The following CC2D2A variants were observed in gnomAD, a reference collection of about 807,000 sequenced individuals.
The protein encoded by CC2D2A is coiled-coil and C2 domain-containing protein 2A.
CC2D2A carries 155 observed loss-of-function variants against 212.9 expected under a neutral mutation model. The observed-to-expected ratio is 0.73, with a 90% CI of 0.64 to 0.83. The LOEUF is 0.83. CC2D2A is among the 40% of genes least tolerant of loss of function. The pLI, the probability that CC2D2A is intolerant of heterozygous loss-of-function variation, is 0.00. For synonymous variants in CC2D2A, 667 were observed against 686.5 expected (o/e 0.97, Z 0.44); for missense variants, 1,856 against 1,956.2 (o/e 0.95, Z 0.97).
At chr4:15,537,815 C>T in intron 15 of CC2D2A, 84 bp from the exon 16 acceptor site, 2 of 1,401,152 alleles carry the variant, frequency 1.4e-6, no homozygotes, top group East Asian at 2.5e-5. Context: ...GGTTTGTATC[C>T]AGGTCCATCT....
chr4:15,506,637 T>A (rs1716269832), intron 6 of CC2D2A, among the ~76,000 whole-genome samples: 1 of 152,182 alleles, frequency 6.6e-6, no homozygotes, highest in South Asian at 2.1e-4. Context: ...CTACAGGAAG[T>A]GCAGCAGACA....
rs1321298550 is a variant in CC2D2A at position 15,580,154 on chromosome 4, A to G, written c.3958A>G (p.Asn1320Asp). Reference sequence around the variant, plus strand: ...GGAGCTCCTTAATGTCTACCCCAATAATCTACAGGCAACTGCAGTAAGTAT... The same window carrying G: ...GGAGCTCCTTAATGTCTACCCCAATGATCTACAGGCAACTGCAGTAAGTAT... ...PQELLNVYPN[N>D]LQATAELVAR... Residue 1320 changes from asparagine to aspartate, a missense_variant, in exon 30 of 37, where the codon AAT becomes GAT. Physicochemically the swap from Asn to Asp is conservative, Grantham distance 23. Coordinates refer to ENST00000424120, the MANE Select transcript of CC2D2A (RefSeq NM_001378615.1). The G allele has an allele frequency of 1.2e-6, 2 of 1,613,414 alleles. No individual in the cohort carries two copies. Among genetic ancestry groups the G allele is most frequent in the Non-Finnish European group, 1.7e-6 (2 of 1,179,524 alleles).
chr4:15,479,081 T>C, intron 3 of CC2D2A: 1 of 721,952 alleles, frequency 1.4e-6, no homozygotes. Context: ...GAGAGGACTC[T>C]AGAAAAGATG....
intron 2 of CC2D2A, 26 bp from the exon 3 acceptor site, chr4:15,478,697 T>G: frequency 6.6e-7 from 1 of 1,521,244 alleles, no homozygotes; most frequent in Non-Finnish European, 8.9e-7. Context: ...GTCTTAAGAT[T>G]CTCTCCCTTT....
At chr4:15,539,345 G>T (rs975310738) in intron 16 of CC2D2A, among the ~76,000 whole-genome samples, 3 of 152,030 alleles carry the variant, frequency 2.0e-5, no homozygotes, top group African/African-American at 7.2e-5. Flanking sequence ...AAAATCCCAG[G>T]CTTAGTTCTC....
In CC2D2A at chr4:15,587,826, A is replaced by G. The variant is rs1720920205; in HGVS notation, c.4076A>G (p.Asp1359Gly). Residue 1359 changes from aspartate (D) to glycine (G), a missense_variant, in exon 32 of 37, where the codon GAT becomes GGT. By Grantham distance (94) the Asp-to-Gly change is moderately conservative (BLOSUM62 -1). Transcript: ENST00000424120. ...DLWSTSDQFL[D>G]LLAGDEEEHA... ...TTTTCTTTTTGTCAGCAATTTCTTG[A>G]TCTCCTGGCAGGGGATGAAGAAGAA... 6.2e-7 allele frequency: 1 copy of G among 1,605,954 alleles called. No individual in the cohort carries two copies. Among genetic ancestry groups the G allele is most frequent in the South Asian group, 1.1e-5 (1 of 90,866 alleles).
chr4:15,507,749 A>G (rs770664368), intron 6 of CC2D2A, among the ~76,000 whole-genome samples: 25 of 152,204 alleles, frequency 1.6e-4, no homozygotes, highest in Non-Finnish European at 2.6e-4. Context: ...GGGGAATTCA[A>G]TGGGCTTGGA....
chr4:15,471,178 G>A (rs762176787), intron 1 of CC2D2A, among the ~76,000 whole-genome samples: 2 of 152,156 alleles, frequency 1.3e-5, no homozygotes, highest in Non-Finnish European at 2.9e-5. Context: ...AACAATGTAT[G>A]TGGCACCTCC....
At chr4:15,479,137 G>A (rs988289945) in intron 3 of CC2D2A, 20 of 924,752 alleles carry the variant, frequency 2.2e-5, no homozygotes, top group Admixed American at 6.0e-5. Flanking sequence ...GGACTATGAT[G>A]GGCAGTAGAT....
At chr4:15,596,047 T>C (rs1050019268) in intron 33 of CC2D2A, 38 bp from the exon 34 acceptor site, 31 of 1,493,426 alleles carry the variant, frequency 2.1e-5, no homozygotes, top group Non-Finnish European at 2.5e-5. Flanking sequence ...CATGTATACA[T>C]GCTAACATAT....
chr4:15,546,255 G>A (rs544132191), intron 17 of CC2D2A, among the ~76,000 whole-genome samples: 19 of 152,300 alleles, frequency 1.2e-4, no homozygotes, highest in African/African-American at 4.6e-4. Flanking sequence ...TTTTAAAAAT[G>A]AAATTTGGCT....
intron 12 of CC2D2A, 80 bp downstream of exon 12, chr4:15,527,736 CA>C: frequency 9.7e-7 from 1 of 1,035,784 alleles, no homozygotes; most frequent in Non-Finnish European, 1.4e-6. Context: ...TTTCTAACAG[CA>C]AAATGTTCAT....
chr4:15,555,081 G>A lies in CC2D2A; in HGVS notation c.2496G>A (p.Lys832=), dbSNP rs1287407378. The A allele has an allele frequency of 6.2e-7, 1 of 1,611,530 alleles. No homozygotes were observed. The highest frequency in any genetic ancestry group is 1.7e-5 in the Admixed American group (1 of 59,628). ...QQNIGFRSAL[K]KADAISSIGT... ...CAACTCTTCTTTTCAGTGCTTTGAA[G>A]AAAGCAGATGCCATCTCATCTATTG... Residue 832 remains lysine, a synonymous_variant, in exon 20 of 37, where the codon AAG becomes AAA. Coordinates refer to ENST00000424120, the MANE Select transcript of CC2D2A (RefSeq NM_001378615.1).
At position 15,540,964 on chromosome 4, in the gene CC2D2A, C is replaced by G; in HGVS notation, c.2131C>G (p.Gln711Glu). 6.4e-7 allele frequency: 1 copy of G among 1,553,622 alleles called. No homozygotes were observed. The change falls in exon 17 of 37, where the codon CAG becomes GAG. Residue 711 changes from glutamine to glutamate, a missense_variant. By Grantham distance (29) the Gln-to-Glu change is conservative. Transcript: ENST00000424120. ...AGCAGACTTCCGAGTTCACTTTGGG[C>G]AGATTTTCAATTTGCAAATAGTCAA... is the stretch of plus-strand genomic sequence containing the variant. ...LGADFRVHFG[Q>E]IFNLQIVNWP... is the part of the protein sequence containing the mutation.
At chr4:15,575,193 G>A (rs140614576) in intron 29 of CC2D2A, among the ~76,000 whole-genome samples, 4 of 152,258 alleles carry the variant, frequency 2.6e-5, no homozygotes, top group East Asian at 1.9e-4. Flanking sequence ...TACTGAATCC[G>A]TACTCTGTCC....
At chr4:15,583,207 A>G (rs180687002) in intron 30 of CC2D2A, among the ~76,000 whole-genome samples, 1 of 152,368 alleles carries the variant, frequency 6.6e-6, no homozygotes, top group East Asian at 1.9e-4. Context: ...AAGGTCATAA[A>G]TGACAAACCC....
chr4:15,590,124 C>T (rs1468728053), intron 33 of CC2D2A, among the ~76,000 whole-genome samples: 1 of 152,202 alleles, frequency 6.6e-6, no homozygotes, highest in Admixed American at 6.5e-5. Flanking sequence ...CCAGGTCTCA[C>T]CTGGCCTGCA....
intron 17 of CC2D2A, among the ~76,000 whole-genome samples, chr4:15,543,149 G>A (rs536625611): frequency 2.6e-5 from 4 of 152,262 alleles, no homozygotes; most frequent in African/African-American, 7.2e-5. Flanking sequence ...CATTTACAAA[G>A]CACCAAGCAT....
intron 17 of CC2D2A, among the ~76,000 whole-genome samples, chr4:15,547,407 T>G (rs973839811): frequency 2.2e-4 from 33 of 152,186 alleles, no homozygotes; most frequent in African/African-American, 7.5e-4. Context: ...TAGAACATAC[T>G]CCTTCTAACT....
Sources: allele counts gnomAD v4.1 joint callset (sites outside exome capture counted in the v4.1 genomes callset), GRCh38; gene constraint gnomAD v4.1.1; transcripts MANE v1.5; gene names NCBI Gene and HGNC (gene_info 2026-07-23, HGNC 2026-07-21).